Variants in HDAC9 observed in about 807,000 individuals in gnomAD.
HDAC9 encodes the protein MEF-2 interacting transcription repressor (MITR) protein.
Under a neutral mutation model 139.4 loss-of-function variants are expected in HDAC9, and 41 were observed. The ratio of observed to expected loss-of-function variants is 0.29; its 90% confidence interval spans 0.23 to 0.38. The LOEUF (loss-of-function observed/expected upper bound fraction) is 0.38, where lower values mean the gene tolerates loss of function less well. Among genes scored for constraint, HDAC9 ranks in the 10% least tolerant of loss-of-function variants. The pLI is 1.00. For synonymous variants in HDAC9, 517 were observed against 476.2 expected (o/e 1.09, Z -1.12); for missense variants, 1,147 against 1,297.0 (o/e 0.88, Z 1.78).
At chr7:18,291,334 T>A (rs1797794204) in intron 1 of HDAC9, among the ~76,000 whole-genome samples, 1 of 152,072 alleles carries the variant, frequency 6.6e-6, no homozygotes, top group South Asian at 2.1e-4. Flanking sequence ...GGAGCCAAAC[T>A]GTTTGGGGTC....
At chr7:18,334,968 C>T (rs12672834) in intron 1 of HDAC9, among the ~76,000 whole-genome samples, 11,696 of 151,592 alleles carry the variant, frequency 0.077, 611 homozygotes, top group East Asian at 0.17. Flanking sequence ...CTACCCTGCA[C>T]ACTTAGGAGA....
chr7:18,648,665 G>A lies in HDAC9; in HGVS notation c.1449G>A (p.Gln483=). ...QFLEKQKQYQ[Q]QIHMNKLLSK... ...TGGAGAAGCAGAAGCAATACCAGCA[G>A]CAGATCCACATGAACAAAGTAAGCC... Residue 483 remains glutamine (Q), a synonymous_variant, in exon 11 of 26, where the codon CAG becomes CAA. Coordinates refer to ENST00000686413, the MANE Select transcript of HDAC9 (RefSeq NM_178425.4). The A allele has an allele frequency of 6.2e-7, 1 of 1,612,432 alleles. No homozygotes were observed. Among genetic ancestry groups the A allele is most frequent in the Non-Finnish European group, 8.5e-7 (1 of 1,179,140 alleles).
At chr7:18,965,696 G>C (rs947100386) in intron 24 of HDAC9, among the ~76,000 whole-genome samples, 3 of 152,202 alleles carry the variant, frequency 2.0e-5, no homozygotes, top group Non-Finnish European at 4.4e-5. Flanking sequence ...TGAGCTGCGA[G>C]GGAGCAGAGA....
At chr7:18,266,737 C>T (rs1413903761) in intron 2 of HDAC9, among the ~76,000 whole-genome samples, 2 of 152,080 alleles carry the variant, frequency 1.3e-5, no homozygotes, top group Admixed American at 1.3e-4. Context: ...TGATAATTGA[C>T]AGCAGCAGTT....
chr7:18,511,170 A>C (rs1801390487), intron 2 of HDAC9, among the ~76,000 whole-genome samples: 1 of 152,204 alleles, frequency 6.6e-6, no homozygotes, highest in South Asian at 2.1e-4. Flanking sequence ...AATATTAGAA[A>C]AAAATTATCT....
At chr7:18,455,493 C>T (rs1394217854) in intron 1 of HDAC9, among the ~76,000 whole-genome samples, 1 of 152,082 alleles carries the variant, frequency 6.6e-6, no homozygotes, top group East Asian at 1.9e-4. Flanking sequence ...TTTTTCCAAA[C>T]TGAGAAGGAA....
chr7:18,907,025 T>A (rs1802319090), intron 22 of HDAC9: 1 of 152,110 alleles, frequency 6.6e-6, no homozygotes, highest in Non-Finnish European at 1.5e-5. Flanking sequence ...TCTTTTCACA[T>A]CGGGAGCACC....
chr7:18,330,191 A>G (rs1800807752), intron 1 of HDAC9, among the ~76,000 whole-genome samples: 1 of 151,710 alleles, frequency 6.6e-6, no homozygotes, highest in Non-Finnish European at 1.5e-5. Context: ...TTCAAAACTA[A>G]ATGAAACCCA....
At chr7:18,547,259 G>A (rs953903473) in intron 2 of HDAC9, among the ~76,000 whole-genome samples, 18 of 151,920 alleles carry the variant, frequency 1.2e-4, no homozygotes, top group Non-Finnish European at 2.9e-5. Context: ...TCTTTGAGAC[G>A]GAGTCTCGCT....
intron 1 of HDAC9, among the ~76,000 whole-genome samples, chr7:18,399,224 C>G (rs1787319722): frequency 6.6e-6 from 1 of 152,106 alleles, no homozygotes; most frequent in Non-Finnish European, 1.5e-5. Context: ...TGTGGCAAAG[C>G]TAATTTCTAT....
At chr7:18,421,951 A>G (rs758865201) in intron 1 of HDAC9, among the ~76,000 whole-genome samples, 1 of 152,106 alleles carries the variant, frequency 6.6e-6, no homozygotes, top group Non-Finnish European at 1.5e-5. Flanking sequence ...TTCGGGCTTG[A>G]TCATGTTTTT....
At chr7:18,647,143 A>C (rs1787674455) in intron 9 of HDAC9, among the ~76,000 whole-genome samples, 1 of 152,240 alleles carries the variant, frequency 6.6e-6, no homozygotes, top group South Asian at 2.1e-4. Context: ...CAGCTTCTTA[A>C]TCCCCATGAT....
chr7:18,602,005 C>G (rs1165334409), intron 6 of HDAC9, among the ~76,000 whole-genome samples: 1 of 152,036 alleles, frequency 6.6e-6, no homozygotes, highest in Non-Finnish European at 1.5e-5. Context: ...AAGTAGTCCT[C>G]CTATTTTCTG....
intron 6 of HDAC9, among the ~76,000 whole-genome samples, chr7:18,612,188 G>A (rs1837348752): frequency 6.6e-6 from 1 of 151,910 alleles, no homozygotes; most frequent in Admixed American, 6.6e-5. Flanking sequence ...TAATTACATG[G>A]GTTTAAATAT....
At chr7:18,725,740 A>C (rs1325306424) in intron 12 of HDAC9, among the ~76,000 whole-genome samples, 1 of 152,180 alleles carries the variant, frequency 6.6e-6, no homozygotes, top group African/African-American at 2.4e-5. Context: ...CCCAAATCAT[A>C]ATTATATATT....
chr7:18,702,720 A>C (rs1783603038), intron 12 of HDAC9, among the ~76,000 whole-genome samples: 1 of 152,188 alleles, frequency 6.6e-6, no homozygotes, highest in Non-Finnish European at 1.5e-5. Flanking sequence ...GTCACGATTC[A>C]AGGACAACTC....
chr7:18,662,028 C>T (rs1207012581), intron 11 of HDAC9, among the ~76,000 whole-genome samples: 2 of 152,084 alleles, frequency 1.3e-5, no homozygotes, highest in Admixed American at 6.6e-5. Flanking sequence ...ACATATAATA[C>T]GTTCCATGGA....
chr7:18,442,314 T>G (rs1400287810), intron 1 of HDAC9, among the ~76,000 whole-genome samples: 1 of 152,198 alleles, frequency 6.6e-6, no homozygotes, highest in East Asian at 1.9e-4. Flanking sequence ...CATTCATCTC[T>G]CTTACAAGAT....
intron 2 of HDAC9, among the ~76,000 whole-genome samples, chr7:18,573,357 A>G (rs1824924780): frequency 1.3e-5 from 2 of 152,280 alleles, no homozygotes; most frequent in South Asian, 4.1e-4. Context: ...AGCTAAAAAT[A>G]TCTGCATTAC....
Sources: gnomAD v4.1 joint callset for allele counts (sites outside exome capture counted in the v4.1 genomes callset) on GRCh38, gnomAD v4.1.1 for gene constraint, MANE v1.5 for transcripts, NCBI Gene and HGNC (gene_info 2026-07-23, HGNC 2026-07-21) for gene names.